The following SHB variants were observed in gnomAD, a reference collection of about 807,000 sequenced individuals.
SHB encodes SH2 domain-containing adapter protein B.
A neutral mutation model predicts 52.3 loss-of-function variants in SHB; 20 were observed. The observed-to-expected ratio is 0.38, with a 90% CI of 0.27 to 0.56. The LOEUF is 0.56. Among genes scored for constraint, SHB ranks in the 20% least tolerant of loss-of-function variants. SHB has a pLI of 0.71. For missense variants in SHB, 825 were observed against 723.3 expected, an observed-to-expected ratio of 1.14 and a Z score of -1.61; for synonymous variants, 397 against 316.5, an observed-to-expected ratio of 1.25 and a Z score of -2.70.
At chr9:38,016,551 G>T (rs763680030) in intron 1 of SHB, among the ~76,000 whole-genome samples, 13 of 152,234 alleles carry the variant, frequency 8.5e-5, no homozygotes, top group Non-Finnish European at 1.8e-4. Flanking sequence ...CATGCTCCTG[G>T]TGCTGGCTGA....
intron 2 of SHB, among the ~76,000 whole-genome samples, chr9:38,014,901 C>T (rs1266898064): frequency 3.3e-5 from 5 of 152,244 alleles, no homozygotes; most frequent in Admixed American, 2.6e-4. Context: ...GTAAATGCCG[C>T]TTCCTCTCCC....
In SHB at chr9:37,916,129, G is replaced by T. The variant is rs887676921; in HGVS notation, c.*3692C>A. On this transcript the variant is annotated 3_prime_UTR_variant, in exon 6 of 6. Coordinates refer to ENST00000377707, the MANE Select transcript of SHB (RefSeq NM_003028.3). ...CAAGCGCGCCTGTGAACAAGTCCCC[G>T]TGGGGTTCTGGGAGGTGCGCCCACA... 6.6e-6 allele frequency among the ~76,000 whole-genome samples: 1 copy of T among 152,232 alleles called. No homozygotes were observed. Among genetic ancestry groups the T allele is most frequent in the Non-Finnish European group, 1.5e-5 (1 of 68,044 alleles).
intron 5 of SHB, among the ~76,000 whole-genome samples, chr9:37,932,080 G>A (rs1018930270): frequency 4.6e-5 from 7 of 151,852 alleles, no homozygotes; most frequent in East Asian, 1.9e-4. Flanking sequence ...TCAGGAGTTC[G>A]AGACCAGCCT....
chr9:37,991,346 C>T (rs573172398), intron 2 of SHB, among the ~76,000 whole-genome samples: 1 of 152,312 alleles, frequency 6.6e-6, no homozygotes, highest in African/African-American at 2.4e-5. Context: ...TTCAGGGACA[C>T]TGCGTCATGG....
chr9:38,050,628 T>C (rs1476727474), intron 1 of SHB, among the ~76,000 whole-genome samples: 1 of 152,176 alleles, frequency 6.6e-6, no homozygotes, highest in Non-Finnish European at 1.5e-5. Context: ...GTCAGAAATG[T>C]CCAAGCATAA....
In SHB at chr9:38,053,021, C is replaced by T. The variant is rs16934730; in HGVS notation, c.717+14908G>A. Among the ~76,000 whole-genome samples, 881 of 152,270 alleles carry T rather than the reference C, an allele frequency of 5.8e-3. 10 individuals are homozygous for T. Among genetic ancestry groups the T allele is most frequent in the African/African-American group, 0.021 (854 of 41,546 alleles). On this transcript the variant is annotated intron_variant, in intron 1 of 5. Coordinates refer to ENST00000377707, the MANE Select transcript of SHB (RefSeq NM_003028.3). ...ACCTGGCCCAAACTAGACACTTTAT[C>T]GACAGTAGAGACCTGTGGTTTCTAT... is the stretch of plus-strand genomic sequence containing the variant.
At chr9:38,014,508 A>G (rs946171198) in intron 2 of SHB, among the ~76,000 whole-genome samples, 1 of 152,248 alleles carries the variant, frequency 6.6e-6, no homozygotes, top group African/African-American at 2.4e-5. Flanking sequence ...TCCCTGAGCC[A>G]CTGGAGGACA....
intron 1 of SHB, among the ~76,000 whole-genome samples, chr9:38,030,180 G>A (rs1429935397): frequency 6.6e-6 from 1 of 152,232 alleles, no homozygotes; most frequent in Non-Finnish European, 1.5e-5. Context: ...CTCCCAGTCA[G>A]AGAGCAACTG....
chr9:38,013,444 C>T (rs557120181), intron 2 of SHB, among the ~76,000 whole-genome samples: 1 of 152,268 alleles, frequency 6.6e-6, no homozygotes, highest in African/African-American at 2.4e-5. Flanking sequence ...TCTACTAAAA[C>T]TACAAGAAAA....
At chr9:37,982,425 G>A (rs113510175) in intron 2 of SHB, among the ~76,000 whole-genome samples, 58 of 152,192 alleles carry the variant, frequency 3.8e-4, no homozygotes, top group South Asian at 2.5e-3. Flanking sequence ...CCCAGGGGGC[G>A]GAGGTTGCAG....
intron 5 of SHB, among the ~76,000 whole-genome samples, chr9:37,921,400 C>T (rs1290996962): frequency 1.3e-5 from 2 of 152,208 alleles, no homozygotes; most frequent in Non-Finnish European, 2.9e-5. Context: ...TACAAGTGCC[C>T]ACTCTATTAA....
chr9:37,985,645 G>A (rs1028441881), intron 2 of SHB, among the ~76,000 whole-genome samples: 1 of 152,198 alleles, frequency 6.6e-6, no homozygotes, highest in African/African-American at 2.4e-5. Flanking sequence ...CTAAATCCTC[G>A]CCGACTGCAA....
intron 3 of SHB, among the ~76,000 whole-genome samples, chr9:37,967,965 C>T (rs954263235): frequency 2.0e-5 from 3 of 152,214 alleles, no homozygotes; most frequent in Non-Finnish European, 2.9e-5. Context: ...CTCGTTAGAA[C>T]TGTTGCTGGA....
intron 5 of SHB, among the ~76,000 whole-genome samples, chr9:37,944,126 G>T (rs1832465447): frequency 6.6e-6 from 1 of 152,238 alleles, no homozygotes; most frequent in Non-Finnish European, 1.5e-5. Context: ...GGCAGGAGGG[G>T]ATGAGGAAAG....
chr9:38,062,787 G>A (rs1821910786), intron 1 of SHB, among the ~76,000 whole-genome samples: 1 of 152,226 alleles, frequency 6.6e-6, no homozygotes, highest in Non-Finnish European at 1.5e-5. Flanking sequence ...GGAAGCTAGA[G>A]CGCACAGGCC....
At chr9:38,067,789 G>T (rs1821989703) in intron 1 of SHB, 140 bp downstream of exon 1, 1 of 932,286 alleles carries the variant, frequency 1.1e-6, no homozygotes, top group Non-Finnish European at 1.5e-6. Context: ...AGGCAGAAGC[G>T]GGAAGCAGCA....
intron 1 of SHB, among the ~76,000 whole-genome samples, chr9:38,045,537 G>A (rs1256935467): frequency 6.6e-6 from 1 of 152,088 alleles, no homozygotes; most frequent in Non-Finnish European, 1.5e-5. Flanking sequence ...CTTGAATCTG[G>A]GAGGTAGAGG....
rs754051968 is a variant in SHB, at chr9:38,067,960, G to C, written c.686C>G (p.Ala229Gly). 2.2e-5 allele frequency: 34 copies of C among 1,550,424 alleles called. No individual in the cohort carries two copies. Among genetic ancestry groups the C allele is most frequent in the Non-Finnish European group, 2.8e-5 (33 of 1,158,256 alleles). Residue 229 changes from alanine (A) to glycine (G), a missense_variant, in exon 1 of 6, where the codon GCG becomes GGG. Coordinates refer to ENST00000377707, the MANE Select transcript of SHB (RefSeq NM_003028.3). Reference protein sequence around the residue: ...KLLNKCAASAAEESGAGKKDK... With the variant: ...KLLNKCAASAGEESGAGKKDK... The stretch of plus-strand genomic sequence containing the variant: ...CTTCTTGCCGGCCCCGCTCTCCTCC[G>C]CGGCTGAGGCGGCGCACTTGTTGAG...
intron 2 of SHB, among the ~76,000 whole-genome samples, chr9:38,014,698 G>A (rs10814641): frequency 0.44 from 67,558 of 152,078 alleles, 15,163 homozygotes; most frequent in Middle Eastern, 0.51. Flanking sequence ...TGGCCCTCAC[G>A]AAGTGGCTAA....
Sources: gnomAD v4.1 joint callset for allele counts (sites outside exome capture counted in the v4.1 genomes callset) on GRCh38, gnomAD v4.1.1 for gene constraint, MANE v1.5 for transcripts, NCBI Gene and HGNC (gene_info 2026-07-23, HGNC 2026-07-21) for gene names.